Variants in DOCK4 observed in about 807,000 individuals in gnomAD.
DOCK4 encodes the protein dedicator of cytokinesis 4, also known as dedicator of cytokinesis protein 4.
In DOCK4, 97 loss-of-function variants were observed where a neutral mutation model predicts 268.1. The observed-to-expected ratio is 0.36, with a 90% confidence interval of 0.31 to 0.43. The LOEUF (loss-of-function observed/expected upper bound fraction) is 0.43, where lower values mean the gene tolerates loss of function less well. Among genes scored for constraint, DOCK4 ranks in the 20% least tolerant of loss-of-function variants. The probability of loss-of-function intolerance (pLI) is 1.00; values close to 1 mark genes in which losing one functional copy is unlikely to be tolerated. For synonymous variants in DOCK4, 954 were observed against 887.2 expected (o/e 1.08, Z -1.34); for missense variants, 2,145 against 2,455.7 (o/e 0.87, Z 2.67).
chr7:112,091,605 C>A (rs573337458), intron 1 of DOCK4, among the ~76,000 whole-genome samples: 1 of 152,230 alleles, frequency 6.6e-6, no homozygotes, highest in East Asian at 1.9e-4. Context: ...AGACTCAGCA[C>A]TATACCTGGA....
chr7:112,192,441 AGAAGTT>A (rs1336584237), intron 1 of DOCK4, among the ~76,000 whole-genome samples: 1 of 152,128 alleles, frequency 6.6e-6, no homozygotes, highest in Non-Finnish European at 1.5e-5. Context: ...ATTCTTTTGT[AGAAGTT>A]CTGAGTCTTC....
chr7:112,008,537 A>G (rs1801037404), intron 1 of DOCK4, among the ~76,000 whole-genome samples: 1 of 152,224 alleles, frequency 6.6e-6, no homozygotes, highest in South Asian at 2.1e-4. Context: ...GAAGATAAAA[A>G]GAAGGTAAAT....
rs148300676 is a variant in DOCK4 at position 111,856,444 on chromosome 7, T to C, written c.2473+6928A>G. ...TATCTTTGCCCTGTCTAGAGACAGATGTAGAAACTGTTTTTCAAAGATACA... is the reference window on the plus strand; with the variant it reads ...TATCTTTGCCCTGTCTAGAGACAGACGTAGAAACTGTTTTTCAAAGATACA... On this transcript the variant is annotated intron_variant, in intron 23 of 52. Transcript: ENST00000428084. 8.3e-4 allele frequency among the ~76,000 whole-genome samples: 127 copies of C among 152,350 alleles called. 1 individual carries two copies. The highest frequency in any genetic ancestry group is 3.8e-4 in the African/African-American group (16 of 41,580).
intron 1 of DOCK4, among the ~76,000 whole-genome samples, chr7:112,141,007 A>T: frequency 6.6e-6 from 1 of 151,778 alleles, no homozygotes; most frequent in East Asian, 1.9e-4. Flanking sequence ...TCCAAAACCC[A>T]GAGTCTACAC....
chr7:112,158,210 T>C (rs1020942302), intron 1 of DOCK4, among the ~76,000 whole-genome samples: 3 of 152,180 alleles, frequency 2.0e-5, no homozygotes, highest in Non-Finnish European at 4.4e-5. Context: ...TTGGGAATAA[T>C]ACATTTAGGA....
intron 35 of DOCK4, among the ~76,000 whole-genome samples, chr7:111,780,464 G>T (rs1798722911): frequency 6.6e-6 from 1 of 152,074 alleles, no homozygotes; most frequent in African/African-American, 2.4e-5. Flanking sequence ...AGGATGATTT[G>T]CTCTAATAGC....
chr7:111,745,602 T>C (rs1796204565), intron 44 of DOCK4, among the ~76,000 whole-genome samples: 2 of 138,276 alleles, frequency 1.4e-5, no homozygotes, highest in African/African-American at 5.5e-5. Context: ...GAGAATGGCG[T>C]GAACCCAGGA....
At chr7:112,011,032 G>A (rs1292696816) in intron 1 of DOCK4, among the ~76,000 whole-genome samples, 7 of 152,118 alleles carry the variant, frequency 4.6e-5, no homozygotes, top group South Asian at 2.1e-4. Flanking sequence ...GATAGTCCTC[G>A]AACCCTAGCA....
intron 36 of DOCK4, among the ~76,000 whole-genome samples, chr7:111,771,889 A>G (rs1798146472): frequency 6.6e-6 from 1 of 152,096 alleles, no homozygotes. Flanking sequence ...CCAGCTCAGG[A>G]GTTACCTTCT....
intron 34 of DOCK4, among the ~76,000 whole-genome samples, chr7:111,783,434 C>G (rs1268772503): frequency 6.6e-6 from 1 of 152,110 alleles, no homozygotes. Flanking sequence ...TGAGTTTCAT[C>G]TCACCCACGT....
chr7:111,769,459 G>C (rs964148387), intron 37 of DOCK4, 70 bp downstream of exon 37: 3 of 1,574,026 alleles, frequency 1.9e-6, no homozygotes, highest in East Asian at 4.5e-5. Context: ...TCATAAACTA[G>C]AAATGAAAGG....
chr7:111,887,890 G>T lies in DOCK4; in HGVS notation c.1587+7722C>A, dbSNP rs78435579. Among the ~76,000 whole-genome samples the T allele has an allele frequency of 4.2e-3, 633 of 152,186 alleles. 5 individuals carry two copies. Among genetic ancestry groups the T allele is most frequent in the African/African-American group, 0.014 (597 of 41,526 alleles). On this transcript the variant is annotated intron_variant, in intron 16 of 52. Transcript: ENST00000428084. The stretch of plus-strand genomic sequence containing the variant: ...AAGAGTCAGGAGGGAGGGAGATCCT[G>T]AAGGAAGTAGGTGGAAGAACTAGTC...
chr7:111,729,252 T>C (rs1477336630), intron 52 of DOCK4, among the ~76,000 whole-genome samples: 1 of 152,318 alleles, frequency 6.6e-6, no homozygotes. Flanking sequence ...GTTTACTCCT[T>C]ATCATTTTCA....
chr7:111,859,082 G>A (rs1440681529), intron 23 of DOCK4, among the ~76,000 whole-genome samples: 1 of 152,100 alleles, frequency 6.6e-6, no homozygotes. Flanking sequence ...GCAGTGGTGC[G>A]ATCATGGCTT....
At chr7:112,066,775 A>G (rs1190521004) in intron 1 of DOCK4, among the ~76,000 whole-genome samples, 11 of 134,412 alleles carry the variant, frequency 8.2e-5, no homozygotes, top group African/African-American at 2.6e-4. Context: ...GGAGAACCCA[A>G]ATTAACATAT....
At chr7:112,165,856 C>T (rs1270912225) in intron 1 of DOCK4, among the ~76,000 whole-genome samples, 2 of 152,092 alleles carry the variant, frequency 1.3e-5, no homozygotes, top group African/African-American at 2.4e-5. Flanking sequence ...ACTGCTTAAA[C>T]ATCCTCGTCA....
chr7:112,171,206 C>T (rs1020915481), intron 1 of DOCK4, among the ~76,000 whole-genome samples: 1 of 152,164 alleles, frequency 6.6e-6, no homozygotes, highest in African/African-American at 2.4e-5. Flanking sequence ...GGCTGAATGG[C>T]TCACTTCTGA....
intron 1 of DOCK4, among the ~76,000 whole-genome samples, chr7:112,182,774 G>C (rs892427209): frequency 6.6e-6 from 1 of 152,264 alleles, no homozygotes; most frequent in African/African-American, 2.4e-5. Context: ...ACGGCTAGGT[G>C]TGCAGGCATG....
At chr7:111,758,048 C>G (rs1432120755) in intron 41 of DOCK4, among the ~76,000 whole-genome samples, 1 of 152,058 alleles carries the variant, frequency 6.6e-6, no homozygotes, top group African/African-American at 2.4e-5. Flanking sequence ...GCAGAGAACT[C>G]AACACACACA....
Sources: allele counts gnomAD v4.1 joint callset (sites outside exome capture counted in the v4.1 genomes callset), GRCh38; gene constraint gnomAD v4.1.1; transcripts MANE v1.5; gene names NCBI Gene and HGNC (gene_info 2026-07-23, HGNC 2026-07-21).